Variants in NDUFA8 observed in about 807,000 individuals in gnomAD.
NDUFA8 encodes NADH dehydrogenase [ubiquinone] 1 alpha subcomplex subunit 8.
NDUFA8 carries 16 observed loss-of-function variants against 20.9 expected under a neutral mutation model. The observed-to-expected ratio is 0.77, with a 90% confidence interval of 0.52 to 1.16. NDUFA8 has a LOEUF of 1.16. Ranked by LOEUF, NDUFA8 falls within the 50% of genes most tolerant of loss-of-function variation. The pLI, the probability that NDUFA8 is intolerant of heterozygous loss-of-function variation, is 0.00. For synonymous variants in NDUFA8, 70 were observed against 76.1 expected (o/e 0.92, Z 0.41); for missense variants, 202 against 216.4 (o/e 0.93, Z 0.42).
the NDUFA8 span, among the ~76,000 whole-genome samples, chr9:122,134,646 A>T: frequency 6.6e-6 from 1 of 152,286 alleles, no homozygotes; most frequent in Admixed American, 6.5e-5. Context: ...ACAACTTTTA[A>T]TATTGAGTTG....
chr9:122,157,579 G>A (rs1829093320), intron 1 of NDUFA8, among the ~76,000 whole-genome samples: 1 of 150,404 alleles, frequency 6.6e-6, no homozygotes, highest in South Asian at 2.1e-4. Context: ...TCAGTTGTAT[G>A]AAGTAGAACT....
At chr9:122,135,469 C>A in the NDUFA8 span, among the ~76,000 whole-genome samples, 1 of 152,226 alleles carries the variant, frequency 6.6e-6, no homozygotes, top group Non-Finnish European at 1.5e-5. Flanking sequence ...ACACTTCACT[C>A]TCCATATTCT....
downstream of NDUFA8, among the ~76,000 whole-genome samples, chr9:122,142,071 T>C (rs546298488): frequency 2.4e-4 from 36 of 152,324 alleles, 1 homozygote; most frequent in Admixed American, 2.0e-3. Flanking sequence ...AAATTAGTCA[T>C]AGATCCTTCT....
intron 2 of NDUFA8, among the ~76,000 whole-genome samples, chr9:122,151,658 C>T (rs562157137): frequency 6.6e-6 from 1 of 152,354 alleles, no homozygotes; most frequent in Non-Finnish European, 1.5e-5. Flanking sequence ...TCCAGCCCTG[C>T]CTGATGCCAG....
At chr9:122,142,753 T>C (rs1053824399), downstream of NDUFA8, among the ~76,000 whole-genome samples, 1 of 152,146 alleles carries the variant, frequency 6.6e-6, no homozygotes, top group African/African-American at 2.4e-5. Context: ...ATATTATTAT[T>C]TATGCAAGGC....
At position 122,144,385 on chromosome 9, in the gene NDUFA8, A is replaced by T; in HGVS notation, c.382-7T>A. ...CTGTTTTCACTTTGGTGACCTGGGAAGGGTGAAGAGGGCAAAAGCAAAGTT... is the reference window on the plus strand; with the variant it reads ...CTGTTTTCACTTTGGTGACCTGGGATGGGTGAAGAGGGCAAAAGCAAAGTT... On this transcript the variant is annotated splice_region_variant and splice_polypyrimidine_tract_variant and intron_variant, in intron 3 of 3. Transcript: ENST00000373768. 3.1e-6 allele frequency: 5 copies of T among 1,614,020 alleles called. No individual in the cohort carries two copies. The highest frequency in any genetic ancestry group is 4.2e-6 in the Non-Finnish European group (5 of 1,179,890).
chr9:122,158,724 ATATATACACCAATTGTG>A (rs1339599060), intron 1 of NDUFA8, among the ~76,000 whole-genome samples: 1 of 150,096 alleles, frequency 6.7e-6, no homozygotes, highest in East Asian at 1.9e-4. Flanking sequence ...ATACATATAT[ATATATACACCAATTGTG>A]TATATATATA....
At chr9:122,134,291 G>A in the NDUFA8 span, among the ~76,000 whole-genome samples, 4 of 152,098 alleles carry the variant, frequency 2.6e-5, no homozygotes, top group African/African-American at 4.8e-5. Flanking sequence ...TAAGACTTAC[G>A]GTTTTGGAAT....
At chr9:122,147,275 AG>A (rs35526111) in intron 3 of NDUFA8, among the ~76,000 whole-genome samples, 65,031 of 152,016 alleles carry the variant, frequency 0.43, 16,714 homozygotes, top group Non-Finnish European at 0.58. Flanking sequence ...GCTAATCTAA[AG>A]GAAGTGATGA....
intron 1 of NDUFA8, among the ~76,000 whole-genome samples, chr9:122,157,375 G>A (rs1428023905): frequency 2.6e-5 from 4 of 152,194 alleles, no homozygotes; most frequent in Non-Finnish European, 5.9e-5. Context: ...GTCTGCAAAT[G>A]CTAAAATCAA....
chr9:122,139,376 T>G (rs78761629), downstream of NDUFA8, among the ~76,000 whole-genome samples: 503 of 152,274 alleles, frequency 3.3e-3, 11 homozygotes, highest in Admixed American at 0.028. Flanking sequence ...ACTATTATAT[T>G]AACCCTGTTT....
chr9:122,141,793 T>C (rs1478420991), downstream of NDUFA8, among the ~76,000 whole-genome samples: 6 of 152,204 alleles, frequency 3.9e-5, no homozygotes, highest in South Asian at 4.1e-4. Context: ...GAAATTATTA[T>C]ATTTAATTAC....
the NDUFA8 span, chr9:122,132,821 C>T: frequency 4.7e-6 from 2 of 424,628 alleles, no homozygotes; most frequent in Non-Finnish European, 9.6e-6. Context: ...AGACCTCTCC[C>T]ACAGACAGAT....
chr9:122,156,798 C>T (rs1829082233), intron 1 of NDUFA8, among the ~76,000 whole-genome samples: 1 of 152,218 alleles, frequency 6.6e-6, no homozygotes, highest in Admixed American at 6.5e-5. Context: ...TCTAGATATA[C>T]TTGTTCTTTG....
At chr9:122,134,819 G>A in the NDUFA8 span, among the ~76,000 whole-genome samples, 1 of 152,142 alleles carries the variant, frequency 6.6e-6, no homozygotes, top group East Asian at 1.9e-4. Flanking sequence ...CACTCCATGA[G>A]TTAGTTCAGT....
At chr9:122,154,626 CTCTT>C (rs560933699) in intron 1 of NDUFA8, among the ~76,000 whole-genome samples, 348 of 152,336 alleles carry the variant, frequency 2.3e-3, no homozygotes, top group African/African-American at 8.0e-3. Context: ...TAAAAACTGT[CTCTT>C]TCCCTTCTGC....
chr9:122,135,775 G>T, the NDUFA8 span, among the ~76,000 whole-genome samples: 47 of 152,234 alleles, frequency 3.1e-4, no homozygotes, highest in African/African-American at 1.1e-3. Context: ...TTTCTGGAGA[G>T]GTGGGGTTTC....
At chr9:122,135,229 G>T in the NDUFA8 span, among the ~76,000 whole-genome samples, 6 of 152,306 alleles carry the variant, frequency 3.9e-5, no homozygotes, top group African/African-American at 1.4e-4. Flanking sequence ...CCCATTGGCC[G>T]CACACCTAGT....
chr9:122,135,343 T>C, the NDUFA8 span, among the ~76,000 whole-genome samples: 1 of 152,258 alleles, frequency 6.6e-6, no homozygotes, highest in African/African-American at 2.4e-5. Context: ...AAAATAAACT[T>C]CAGAGAAGTG....
Sources: gnomAD v4.1 joint callset for allele counts (sites outside exome capture counted in the v4.1 genomes callset) on GRCh38, gnomAD v4.1.1 for gene constraint, MANE v1.5 for transcripts, NCBI Gene and HGNC (gene_info 2026-07-23, HGNC 2026-07-21) for gene names.